CSMD1: variants seen among roughly 807,000 people sequenced by gnomAD.
CSMD1 encodes CUB and sushi domain-containing protein 1.
A neutral mutation model predicts 417.5 loss-of-function variants in CSMD1; 213 were observed. The ratio of observed to expected loss-of-function variants is 0.51; its 90% CI spans 0.46 to 0.57. The LOEUF is 0.57. Ranked by LOEUF, CSMD1 falls within the 20% of genes least tolerant of loss-of-function variation. CSMD1 has a pLI of 0.00. For missense variants in CSMD1, 6,923 were observed against 4,529.7 expected, an observed-to-expected ratio of 1.53 and a Z score of -15.17; for synonymous variants, 2,862 against 1,736.8, an observed-to-expected ratio of 1.65 and a Z score of -16.11.
chr8:3,278,966 C>G (rs1045949297), intron 26 of CSMD1: 17 of 152,170 alleles, frequency 1.1e-4, no homozygotes, highest in African/African-American at 4.1e-4. Flanking sequence ...TAGGAACCTT[C>G]TTTTCTAAAA....
At chr8:3,446,784 T>G (rs1305581905) in intron 12 of CSMD1, among the ~76,000 whole-genome samples, 3 of 152,230 alleles carry the variant, frequency 2.0e-5, no homozygotes, top group Admixed American at 1.3e-4. Flanking sequence ...GTCGATGAAA[T>G]GGAACCTGTT....
chr8:3,034,517 A>G (rs1426223401), intron 50 of CSMD1, among the ~76,000 whole-genome samples: 1 of 152,240 alleles, frequency 6.6e-6, no homozygotes, highest in Non-Finnish European at 1.5e-5. Context: ...ATACAAACAC[A>G]CATTACATAT....
intron 3 of CSMD1, among the ~76,000 whole-genome samples, chr8:4,123,249 A>C (rs1802586393): frequency 6.6e-6 from 1 of 152,196 alleles, no homozygotes; most frequent in Non-Finnish European, 1.5e-5. Flanking sequence ...ACATGTAGTA[A>C]ATGATACAGG....
Position 2,955,695 on chromosome 8 carries a change from G to A in CSMD1, c.9888C>T (p.Tyr3296=), listed in dbSNP as rs925314623. ...VRAIDLPTFG[Y]TLVYTCHPGF... The stretch of plus-strand genomic sequence containing the variant: ...CTGGATGGCAGGTGTACACTAAGGT[G>A]TAGCCGAAAGTAGGAAGATCGATGG... The change falls in exon 64 of 70, where the codon TAC becomes TAT. Residue 3296 remains tyrosine, a synonymous_variant. Transcript: ENST00000635120. 1 of 1,613,910 alleles carries A rather than the reference G, an allele frequency of 6.2e-7. No individual in the cohort carries two copies. Among genetic ancestry groups the A allele is most frequent in the Non-Finnish European group, 8.5e-7 (1 of 1,179,822 alleles).
chr8:3,252,655 C>T (rs1800357290), intron 26 of CSMD1, among the ~76,000 whole-genome samples: 2 of 152,128 alleles, frequency 1.3e-5, no homozygotes, highest in Non-Finnish European at 2.9e-5. Context: ...CCTCCTTATA[C>T]CTCTGGTAGA....
chr8:3,696,626 G>A (rs537214675), intron 7 of CSMD1, among the ~76,000 whole-genome samples: 24 of 152,222 alleles, frequency 1.6e-4, no homozygotes, highest in African/African-American at 5.1e-4. Flanking sequence ...AGATTGAAAC[G>A]TCATCATTAT....
chr8:4,763,047 C>A (rs75093113), intron 1 of CSMD1, among the ~76,000 whole-genome samples: 1,981 of 152,174 alleles, frequency 0.013, 28 homozygotes, highest in African/African-American at 0.045. Context: ...GCAAGACTTC[C>A]AGGGTACAGC....
intron 38 of CSMD1, among the ~76,000 whole-genome samples, chr8:3,160,313 G>C (rs1052021812): frequency 6.6e-6 from 1 of 152,066 alleles, no homozygotes; most frequent in African/African-American, 2.4e-5. Flanking sequence ...TGTAGAGATG[G>C]TGTCTCACTG....
intron 18 of CSMD1, among the ~76,000 whole-genome samples, chr8:3,378,943 G>C (rs909878534): frequency 3.3e-5 from 5 of 152,332 alleles, no homozygotes; most frequent in African/African-American, 4.8e-5. Context: ...AATAGGAAGA[G>C]ATGAAGTCAA....
At chr8:4,562,743 T>C (rs1798403737) in intron 2 of CSMD1, among the ~76,000 whole-genome samples, 1 of 152,116 alleles carries the variant, frequency 6.6e-6, no homozygotes. Flanking sequence ...GACAGATGCA[T>C]GCTGGTGGCT....
chr8:3,886,563 G>A (rs1252327041), intron 5 of CSMD1, among the ~76,000 whole-genome samples: 2 of 152,190 alleles, frequency 1.3e-5, no homozygotes, highest in Non-Finnish European at 2.9e-5. Context: ...ACGAAGCGTG[G>A]CTGTGTTGCA....
chr8:4,095,301 T>G (rs1027721270), intron 3 of CSMD1, among the ~76,000 whole-genome samples: 4 of 152,220 alleles, frequency 2.6e-5, no homozygotes, highest in Admixed American at 6.5e-5. Context: ...ATATCAATTC[T>G]GTTATTACCT....
chr8:3,276,601 G>C (rs1288709848), intron 26 of CSMD1, among the ~76,000 whole-genome samples: 2 of 152,150 alleles, frequency 1.3e-5, no homozygotes, highest in African/African-American at 2.4e-5. Context: ...CGTGGGAATT[G>C]TGGGAGCTAC....
At chr8:4,823,586 A>G (rs1799642409) in intron 1 of CSMD1, among the ~76,000 whole-genome samples, 1 of 152,098 alleles carries the variant, frequency 6.6e-6, no homozygotes. Flanking sequence ...CACAGCAAAG[A>G]TGGGCATTTG....
intron 5 of CSMD1, among the ~76,000 whole-genome samples, chr8:3,777,417 G>A (rs1349089387): frequency 6.6e-6 from 1 of 152,054 alleles, no homozygotes; most frequent in Non-Finnish European, 1.5e-5. Flanking sequence ...TTGCACCTGG[G>A]GCATCCTGTC....
At chr8:2,962,183 T>C (rs183017951) in intron 61 of CSMD1, among the ~76,000 whole-genome samples, 15 of 152,292 alleles carry the variant, frequency 9.8e-5, no homozygotes, top group African/African-American at 1.4e-4. Flanking sequence ...AACAATGCAA[T>C]TGGCAGTTAA....
At chr8:4,990,653 C>G (rs1433220659) in intron 1 of CSMD1, among the ~76,000 whole-genome samples, 1 of 152,164 alleles carries the variant, frequency 6.6e-6, no homozygotes, top group African/African-American at 2.4e-5. Context: ...GCCACAGCAT[C>G]CGGCCCACTT....
chr8:4,223,661 C>T (rs1022205950), intron 3 of CSMD1, among the ~76,000 whole-genome samples: 1 of 152,208 alleles, frequency 6.6e-6, no homozygotes, highest in East Asian at 1.9e-4. Flanking sequence ...CCCAGTCTGT[C>T]TGTGCTCTTG....
At chr8:4,314,393 G>A (rs1225820044) in intron 3 of CSMD1, among the ~76,000 whole-genome samples, 1 of 152,190 alleles carries the variant, frequency 6.6e-6, no homozygotes, top group Admixed American at 6.5e-5. Flanking sequence ...AGAGTTCACA[G>A]GCAAACTAAC....
Sources: allele counts gnomAD v4.1 joint callset (sites outside exome capture counted in the v4.1 genomes callset), GRCh38; gene constraint gnomAD v4.1.1; transcripts MANE v1.5; gene names NCBI Gene and HGNC (gene_info 2026-07-23, HGNC 2026-07-21).